The following RIMS1 variants were observed in gnomAD, a reference collection of about 807,000 sequenced individuals.
RIMS1 encodes regulating synaptic membrane exocytosis protein 1.
A neutral mutation model predicts 214.1 loss-of-function variants in RIMS1; 83 were observed. The observed-to-expected ratio is 0.39, with a 90% CI of 0.32 to 0.47. RIMS1 has a LOEUF of 0.47. Among genes scored for constraint, RIMS1 ranks in the 20% least tolerant of loss-of-function variants. The pLI is 0.99. For missense variants in RIMS1, 2,050 were observed against 2,161.8 expected, an observed-to-expected ratio of 0.95 and a Z score of 1.03; for synonymous variants, 793 against 786.8, an observed-to-expected ratio of 1.01 and a Z score of -0.13.
chr6:72,245,227 A>C (rs1334583029), intron 10 of RIMS1, among the ~76,000 whole-genome samples: 1 of 151,764 alleles, frequency 6.6e-6, no homozygotes, highest in Non-Finnish European at 1.5e-5. Context: ...AGAGATATGA[A>C]TCTCTATAAA....
intron 1 of RIMS1, among the ~76,000 whole-genome samples, chr6:71,908,595 T>C (rs1456958932): frequency 6.6e-6 from 1 of 152,306 alleles, no homozygotes; most frequent in African/African-American, 2.4e-5. Context: ...AATTTACTCA[T>C]AGGCTCTGAG....
intron 1 of RIMS1, among the ~76,000 whole-genome samples, chr6:71,903,054 T>A (rs1208390758): frequency 6.6e-6 from 1 of 152,140 alleles, no homozygotes; most frequent in East Asian, 1.9e-4. Flanking sequence ...GTGATGGGAT[T>A]GCTGGGTCAA....
Position 72,401,123 on chromosome 6 carries a change from GT to G in RIMS1, c.*413del, listed in dbSNP as rs2098832680. 6.3e-6 allele frequency: 1 copy of G among 158,228 alleles called. No homozygotes were observed. The highest frequency in any genetic ancestry group is 2.4e-5 in the African/African-American group (1 of 41,562). The allele number at this position is 158,228 out of a possible 1,614,324, so 9.8% of individuals were successfully genotyped here. On this transcript the variant is annotated 3_prime_UTR_variant, in exon 34 of 34. Transcript: ENST00000521978. Reference sequence around the variant, plus strand: ...GTGTTATTTCCCTGATGTTTGAGTTGTTTTGTTCTTTTGTGTGTTTTGTTTA... The same window carrying G: ...GTGTTATTTCCCTGATGTTTGAGTTGTTTGTTCTTTTGTGTGTTTTGTTTA...
chr6:71,905,387 A>G (rs1400664128), intron 1 of RIMS1, among the ~76,000 whole-genome samples: 1 of 152,072 alleles, frequency 6.6e-6, no homozygotes, highest in Non-Finnish European at 1.5e-5. Context: ...TGAAGCAGTG[A>G]TCCCTGAAAC....
At chr6:71,984,035 G>C (rs1799191455) in intron 2 of RIMS1, among the ~76,000 whole-genome samples, 2 of 152,030 alleles carry the variant, frequency 1.3e-5, no homozygotes, top group Admixed American at 6.6e-5. Flanking sequence ...TGTAACTTAT[G>C]AAATATGTTA....
intron 26 of RIMS1, among the ~76,000 whole-genome samples, chr6:72,300,793 T>G (rs2094529714): frequency 6.6e-6 from 1 of 151,724 alleles, no homozygotes; most frequent in African/African-American, 2.4e-5. Flanking sequence ...GAATTGGCAG[T>G]TTTACATTGA....
chr6:71,934,696 G>A (rs1582966710), intron 1 of RIMS1, among the ~76,000 whole-genome samples: 1 of 152,080 alleles, frequency 6.6e-6, no homozygotes, highest in African/African-American at 2.4e-5. Flanking sequence ...TAATTGAAGA[G>A]GAAAAAAGGT....
chr6:72,351,194 TAA>T (rs376334205), intron 29 of RIMS1, among the ~76,000 whole-genome samples: 4 of 145,642 alleles, frequency 2.7e-5, no homozygotes, highest in South Asian at 2.2e-4. Flanking sequence ...CCCCAAGATG[TAA>T]AAAAAAAAAA....
At chr6:72,003,298 C>T (rs1805991642) in intron 2 of RIMS1, among the ~76,000 whole-genome samples, 1 of 152,068 alleles carries the variant, frequency 6.6e-6, no homozygotes, top group African/African-American at 2.4e-5. Context: ...CTAAACTTTT[C>T]CTTCTTGAAA....
chr6:71,942,714 C>T lies in RIMS1; in HGVS notation c.165-26269C>T, dbSNP rs945595872. On this transcript the variant is annotated intron_variant, in intron 1 of 33. Transcript: ENST00000521978. The stretch of plus-strand genomic sequence containing the variant: ...TTTTGTAAAGAGATATCAAAAGTGA[C>T]AAAAAAATTAGCTTTGAATCAAGAA... 1.1e-4 allele frequency among the ~76,000 whole-genome samples: 17 copies of T among 151,320 alleles called. No homozygotes were observed. In the South Asian group the frequency reaches 1.3e-3, roughly 11 times the overall value.
intron 2 of RIMS1, among the ~76,000 whole-genome samples, chr6:72,001,619 TG>T (rs1389732882): frequency 6.6e-6 from 1 of 152,116 alleles, no homozygotes; most frequent in African/African-American, 2.4e-5. Flanking sequence ...TAAAGAAGGA[TG>T]GGGGAAAGGC....
intron 19 of RIMS1, chr6:72,261,896 T>C (rs994562538): frequency 7.1e-6 from 7 of 985,120 alleles, no homozygotes; most frequent in Non-Finnish European, 8.4e-6. Flanking sequence ...AAATCATGCA[T>C]ATTGTAAAAA....
rs2076660465 is a variant in RIMS1 at position 72,258,222 on chromosome 6, T to A, written c.2868T>A (p.Pro956=). Residue 956 remains proline (P), a synonymous_variant, in exon 17 of 34, where the codon CCT becomes CCA. Transcript: ENST00000521978. ...ATCACCGCTCACGTTCAGTATCTCCTCATCGCGGCAATGATCAGGGAAAGC... is the reference window on the plus strand; with the variant it reads ...ATCACCGCTCACGTTCAGTATCTCCACATCGCGGCAATGATCAGGGAAAGC... ...TTHHRSRSVS[P]HRGNDQGKPR... 6.2e-7 allele frequency: 1 copy of A among 1,613,362 alleles called. No homozygotes were observed. The highest frequency in any genetic ancestry group is 1.7e-5 in the Admixed American group (1 of 59,918).
At chr6:72,381,245 T>C (rs1304656964) in intron 29 of RIMS1, among the ~76,000 whole-genome samples, 1 of 152,090 alleles carries the variant, frequency 6.6e-6, no homozygotes, top group African/African-American at 2.4e-5. Context: ...CTCCAGCTCT[T>C]ATAAGAACAC....
intron 2 of RIMS1, among the ~76,000 whole-genome samples, chr6:71,969,530 T>C (rs1299718091): frequency 6.6e-6 from 1 of 152,190 alleles, no homozygotes; most frequent in East Asian, 1.9e-4. Flanking sequence ...GATTGTCGGC[T>C]GGGCACGGTG....
chr6:72,104,025 T>G (rs759233772), intron 4 of RIMS1, among the ~76,000 whole-genome samples: 7 of 152,118 alleles, frequency 4.6e-5, no homozygotes, highest in African/African-American at 1.7e-4. Context: ...AGAAGTTCAT[T>G]TTTTTCTTCT....
At position 71,924,648 on chromosome 6, in the gene RIMS1, A is replaced by AAAAAAAAAAAAAAAAAAAG. The variant is rs1781028673; in HGVS notation, c.164+37461_164+37462insAAAAAAAAAAAAAAAAAAG. Among the ~76,000 whole-genome samples, 9 of 149,704 alleles carry AAAAAAAAAAAAAAAAAAAG rather than the reference A, an allele frequency of 6.0e-5. 1 individual carries two copies. The highest frequency in any genetic ancestry group is 2.2e-4 in the African/African-American group (9 of 40,126). On this transcript the variant is annotated intron_variant, in intron 1 of 33. Coordinates refer to ENST00000521978, the MANE Select transcript of RIMS1 (RefSeq NM_014989.7). ...ATCTCTGCAAAAAAAAAAAAAAAAA[A>AAAAAAAAAAAAAAAAAAAG]TGCAGAAAATTAGCTGAGTATGGTG...
intron 2 of RIMS1, among the ~76,000 whole-genome samples, chr6:72,023,713 G>A (rs569135723): frequency 2.7e-4 from 41 of 152,066 alleles, no homozygotes; most frequent in South Asian, 8.3e-4. Context: ...ACATAGTATC[G>A]TTGTACTATG....
chr6:72,270,024 A>G (rs1166815429), intron 22 of RIMS1, among the ~76,000 whole-genome samples: 2 of 152,110 alleles, frequency 1.3e-5, no homozygotes, highest in East Asian at 3.9e-4. Flanking sequence ...ACCTAATTTT[A>G]TATACTTCTA....
Sources: allele counts gnomAD v4.1 joint callset (sites outside exome capture counted in the v4.1 genomes callset), GRCh38; gene constraint gnomAD v4.1.1; transcripts MANE v1.5; gene names NCBI Gene and HGNC (gene_info 2026-07-23, HGNC 2026-07-21).